Variants in HNRNPDL observed in about 807,000 individuals in gnomAD.
HNRNPDL encodes heterogeneous nuclear ribonucleoprotein D like, also known as heterogeneous nuclear ribonucleoprotein D-like.
HNRNPDL carries 18 observed loss-of-function variants against 48.0 expected under a neutral mutation model. The ratio of observed to expected loss-of-function variants is 0.38; its 90% confidence interval spans 0.26 to 0.56. The LOEUF is 0.56. Among genes scored for constraint, HNRNPDL ranks in the 20% least tolerant of loss-of-function variants. HNRNPDL has a pLI of 0.77. For synonymous variants in HNRNPDL, 306 were observed against 207.3 expected, an observed-to-expected ratio of 1.48 and a Z score of -4.09; for missense variants, 553 against 540.7, an observed-to-expected ratio of 1.02 and a Z score of -0.23.
rs1050536521 is a variant in HNRNPDL at position 82,429,983 on chromosome 4, G to A, written c.-293C>T. 2 of 237,368 alleles carry A rather than the reference G, an allele frequency of 8.4e-6. No homozygotes were observed. Among genetic ancestry groups the A allele is most frequent in the Admixed American group, 5.7e-5 (1 of 17,616 alleles). The allele number at this position is 237,368 out of a possible 1,614,324, so 14.7% of individuals were successfully genotyped here. A position where few individuals can be genotyped will look rare whatever the true frequency, so the allele number is the denominator to read the frequency against. On this transcript the variant is annotated 5_prime_UTR_variant, in exon 1 of 8. Coordinates refer to ENST00000295470, the MANE Select transcript of HNRNPDL (RefSeq NM_031372.4). ...ACTAGCACCGCGGCCAGTCTGCTCC[G>A]GAAAAAGGCGGACTGCGCCCGGCGC...
At position 82,429,234 on chromosome 4, in the gene HNRNPDL, G is replaced by A. The variant is rs200673707; in HGVS notation, c.443+14C>T. On this transcript the variant is annotated intron_variant, in intron 1 of 7. Transcript: ENST00000295470. ...CGCTGGGGGAGGGGGAGCGGGGGAAGAAGCGTGCGGTACCCGTCATCCTGC... is the reference window on the plus strand; with the variant it reads ...CGCTGGGGGAGGGGGAGCGGGGGAAAAAGCGTGCGGTACCCGTCATCCTGC... The A allele has an allele frequency of 2.5e-6, 4 of 1,612,136 alleles. No individual in the cohort carries two copies. In the South Asian group the frequency reaches 3.3e-5, roughly 13 times the overall value.
rs1721241070 is a variant in HNRNPDL, at chr4:82,422,904, T to C, written c.*2002A>G. 3 of 152,232 alleles carry C rather than the reference T, an allele frequency of 2.0e-5. No homozygotes were observed. Among genetic ancestry groups the C allele is most frequent in the Admixed American group, 2.0e-4 (3 of 15,288 alleles). 9.4% of individuals were successfully genotyped at this position (152,232 alleles called of 1,614,324 possible). On this transcript the variant is annotated 3_prime_UTR_variant, in exon 8 of 8. Transcript: ENST00000295470. Reference sequence around the variant, plus strand: ...CATTTCTATCCCCTCCCCAATAAACTTGTCCAATTACTTTGTTCTAAATTA... The same window carrying C: ...CATTTCTATCCCCTCCCCAATAAACCTGTCCAATTACTTTGTTCTAAATTA...
chr4:82,426,768 AC>A, intron 5 of HNRNPDL, 135 bp from the exon 6 acceptor site: 1 of 723,190 alleles, frequency 1.4e-6, no homozygotes, highest in Non-Finnish European at 2.3e-6. Flanking sequence ...TGCTTGAAAA[AC>A]TATTTTTCCA....
chr4:82,427,071 T>G, intron 5 of HNRNPDL, 119 bp downstream of exon 5: 1 of 783,524 alleles, frequency 1.3e-6, no homozygotes, highest in African/African-American at 1.7e-5. Context: ...AGCTGAACAG[T>G]CCCCCCTCCG....
Position 82,427,551 on chromosome 4 carries a change from T to C in HNRNPDL, c.788A>G (p.Glu263Gly). Residue 263 changes from glutamate to glycine, a missense_variant, in exon 4 of 8, where the codon GAA becomes GGA. Around this residue, in one of 4 missense-constraint regions of HNRNPDL, gnomAD observed 174 missense variants for 204.6 expected, o/e 0.85. Transcript: ENST00000295470. ...FGAFGEIENI[E>G]LPMDTKTNER... ...ATTTGTTTTTGTATCCATGGGAAGT[T>C]CAATATTTTCAATCTGAAATCGAGA... is the stretch of plus-strand genomic sequence containing the variant. 6.2e-7 allele frequency: 1 copy of C among 1,608,812 alleles called. No homozygotes were observed. The highest frequency in any genetic ancestry group is 8.5e-7 in the Non-Finnish European group (1 of 1,178,644).
chr4:82,423,644 A>G lies in HNRNPDL; in HGVS notation c.*1262T>C, dbSNP rs566489454. On this transcript the variant is annotated 3_prime_UTR_variant, in exon 8 of 8. Coordinates refer to ENST00000295470, the MANE Select transcript of HNRNPDL (RefSeq NM_031372.4). ...ACGTATGCCAATCCCAGTAAATAAC[A>G]CTGAGGCCAAGGTCCCAAAATCCAA... The G allele has an allele frequency of 6.6e-6, 1 of 152,312 alleles. No homozygotes were observed. Among genetic ancestry groups the G allele is most frequent in the Admixed American group, 6.5e-5 (1 of 15,292 alleles). The allele number at this position is 152,312 out of a possible 1,614,324, so 9.4% of individuals were successfully genotyped here. A position where few individuals can be genotyped will look rare whatever the true frequency, so the allele number is the denominator to read the frequency against.
Position 82,428,566 on chromosome 4 carries a change from C to T in HNRNPDL, c.444-120G>A, listed in dbSNP as rs1463628320. The T allele has an allele frequency of 3.9e-6, 3 of 762,554 alleles. No homozygotes were observed. In the African/African-American group the frequency reaches 5.3e-5, roughly 13 times the overall value. The allele number at this position is 762,554 out of a possible 1,614,324, so 47.2% of individuals were successfully genotyped here. A position where few individuals can be genotyped will look rare whatever the true frequency, so the allele number is the denominator to read the frequency against. ...CCCCCTAAGTGTAGGCAATTTAATT[C>T]ATGTTTACATTTAATCTATGTCACA... On this transcript the variant is annotated intron_variant, in intron 1 of 7. Transcript: ENST00000295470.
rs781616451 is a variant in HNRNPDL at position 82,429,398 on chromosome 4, G to C, written c.293C>G (p.Ser98Cys). The stretch of plus-strand genomic sequence containing the variant: ...CCGGGTCGCGGCAGCAGCGGCGGCG[G>C]AGCGTTGTATGGAGCTGGATTTAAA... ...RHFKSSSIQR[S>C]AAAAAATRTA... The change falls in exon 1 of 8, where the codon TCC becomes TGC. Residue 98 changes from serine to cysteine, a missense_variant. Coordinates refer to ENST00000295470, the MANE Select transcript of HNRNPDL (RefSeq NM_031372.4). The C allele has an allele frequency of 1.2e-6, 2 of 1,613,460 alleles. No individual in the cohort carries two copies. The highest frequency in any genetic ancestry group is 1.7e-6 in the Non-Finnish European group (2 of 1,179,828).
In HNRNPDL at chr4:82,429,585, G is replaced by C. The variant is rs935191503; in HGVS notation, c.106C>G (p.Arg36Gly). The C allele has an allele frequency of 2.9e-6, 4 of 1,379,694 alleles. No individual in the cohort carries two copies. Among genetic ancestry groups the C allele is most frequent in the Admixed American group, 3.9e-5 (1 of 25,748 alleles). The allele number at this position is 1,379,694 out of a possible 1,614,324, so 85.5% of individuals were successfully genotyped here. The part of the protein sequence containing the change: ...SLSHWRPRPP[R>G]QLAPLLPSLA... ...GAAGGGAGGAGCGGGGCTAGCTGCC[G>C]CGGCGGCCGCGGCCGCCAATGGGAG... The change falls in exon 1 of 8, where the codon CGG becomes GGG. Residue 36 changes from arginine to glycine, a missense_variant. This residue lies in a region of HNRNPDL where 327 missense variants were observed against 203.2 expected (regional missense o/e 1.61). Coordinates refer to ENST00000295470, the MANE Select transcript of HNRNPDL (RefSeq NM_031372.4).
At chr4:82,428,965 G>C (rs774480662) in intron 1 of HNRNPDL, among the ~76,000 whole-genome samples, 6 of 152,204 alleles carry the variant, frequency 3.9e-5, no homozygotes, top group Non-Finnish European at 7.3e-5. Flanking sequence ...AGCGCTGGGA[G>C]GCCGGCCCCT....
intron 3 of HNRNPDL, 62 bp downstream of exon 3, chr4:82,427,956 G>T: frequency 2.0e-6 from 3 of 1,496,046 alleles, no homozygotes; most frequent in East Asian, 2.3e-5. Flanking sequence ...TGCATAAATC[G>T]GACAAGGATT....
rs923545322 is a variant in HNRNPDL, at chr4:82,429,387, C to T, written c.304G>A (p.Ala102Thr). 1 of 1,613,444 alleles carries T rather than the reference C, an allele frequency of 6.2e-7. No homozygotes were observed. The highest frequency in any genetic ancestry group is 8.5e-7 in the Non-Finnish European group (1 of 1,179,808). ...SSSIQRSAAA[A>T]AATRTARQHP... is the part of the protein sequence containing the mutation. ...TGGCGCGCAGTCCGGGTCGCGGCAG[C>T]AGCGGCGGCGGAGCGTTGTATGGAG... Residue 102 changes from alanine (A) to threonine (T), a missense_variant, in exon 1 of 8, where the codon GCT becomes ACT. Around this residue, in one of 4 missense-constraint regions of HNRNPDL, gnomAD observed 327 missense variants for 203.2 expected, o/e 1.61. Transcript: ENST00000295470.
Position 82,429,829 on chromosome 4 carries a change from T to G in HNRNPDL, c.-139A>C. The G allele has an allele frequency of 1.9e-6, 1 of 539,772 alleles. No individual in the cohort carries two copies. 33.4% of individuals were successfully genotyped at this position (539,772 alleles called of 1,614,324 possible). A position where few individuals can be genotyped will look rare whatever the true frequency, so the allele number is the denominator to read the frequency against. The stretch of plus-strand genomic sequence containing the variant: ...GAGCAGAGCCGACGCAGGGCCACAG[T>G]CCCTCTTGCCTTGGGAGCCTTTGTC... On this transcript the variant is annotated 5_prime_UTR_variant, in exon 1 of 8. Coordinates refer to ENST00000295470, the MANE Select transcript of HNRNPDL (RefSeq NM_031372.4).
chr4:82,428,475 T>A (rs760313332), intron 1 of HNRNPDL, 29 bp from the exon 2 acceptor site: 3 of 1,522,332 alleles, frequency 2.0e-6, no homozygotes, highest in Non-Finnish European at 1.8e-6. Context: ...TTAAAAAAAA[T>A]TAACAATAAC....
At position 82,423,588 on chromosome 4, in the gene HNRNPDL, T is replaced by C. The variant is rs1430613515; in HGVS notation, c.*1318A>G. ...CTTACCAGTTTTGTGAGATCACCCG[T>C]TGTGTGAGATCAACTACTCTGCCTG... On this transcript the variant is annotated 3_prime_UTR_variant, in exon 8 of 8. Transcript: ENST00000295470. 2.6e-5 allele frequency: 4 copies of C among 151,880 alleles called. No individual in the cohort carries two copies. The highest frequency in any genetic ancestry group is 5.9e-5 in the Non-Finnish European group (4 of 68,006). The allele number at this position is 151,880 out of a possible 1,614,324, so 9.4% of individuals were successfully genotyped here. A position where few individuals can be genotyped will look rare whatever the true frequency, so the allele number is the denominator to read the frequency against.
Position 82,427,203 on chromosome 4 carries a change from C to A in HNRNPDL, c.1008G>T (p.Arg336Ser). ...ATTAAGTCTCACCTCGGCCACGACCCCTCGTACCACCTCGTCCACCAGCTG... is the reference window on the plus strand; with the variant it reads ...ATTAAGTCTCACCTCGGCCACGACCACTCGTACCACCTCGTCCACCAGCTG... ...GAAAGGRGGT[R>S]GRGRGQGQNW... is the part of the protein sequence containing the mutation. The change falls in exon 5 of 8, where the codon AGG (arginine) becomes AGT (serine). Residue 336 changes from arginine (R) to serine (S), a missense_variant. Physicochemically the swap from Arg to Ser is moderately radical, Grantham distance 110 (BLOSUM62 -1). This residue lies in a region of HNRNPDL where 174 missense variants were observed against 204.6 expected (regional missense o/e 0.85). Coordinates refer to ENST00000295470, the MANE Select transcript of HNRNPDL (RefSeq NM_031372.4). 1 of 1,611,606 alleles carries A rather than the reference C, an allele frequency of 6.2e-7. No homozygotes were observed. The highest frequency in any genetic ancestry group is 8.5e-7 in the Non-Finnish European group (1 of 1,177,804).
At chr4:82,425,987 TTTAAA>T (rs1721390610) in intron 7 of HNRNPDL, 45 bp downstream of exon 7, 11 of 1,203,600 alleles carry the variant, frequency 9.1e-6, no homozygotes, top group South Asian at 3.7e-5. Context: ...TCTATTGATC[TTTAAA>T]TTAAATTAGA....
At chr4:82,427,703 G>A (rs929296487) in intron 3 of HNRNPDL, 139 bp from the exon 4 acceptor site, 1 of 764,722 alleles carries the variant, frequency 1.3e-6, no homozygotes, top group South Asian at 1.6e-5. Flanking sequence ...ACTGCTTTAT[G>A]ATCAACATCA....
At chr4:82,427,905 A>G (rs528875032) in intron 3 of HNRNPDL, 113 bp downstream of exon 3, 1 of 1,020,130 alleles carries the variant, frequency 9.8e-7, no homozygotes, top group Non-Finnish European at 1.4e-6. Flanking sequence ...CGACTTGAGC[A>G]GTCATTTAAT....
Sources: gnomAD v4.1 joint callset for allele counts (sites outside exome capture counted in the v4.1 genomes callset) on GRCh38, gnomAD v4.1.1 for gene constraint, gnomAD v4.1.1 regional missense constraint, MANE v1.5 for transcripts, NCBI Gene and HGNC (gene_info 2026-07-23, HGNC 2026-07-21) for gene names.